Variants in DCTN4 observed in about 807,000 individuals in gnomAD.
DCTN4 encodes the protein dynactin subunit 4, also known as dynactin 4 (p62).
In DCTN4, 23 loss-of-function variants were observed where a neutral mutation model predicts 62.7. That is an observed-to-expected ratio of 0.37 (90% CI 0.26 to 0.52). DCTN4 has a LOEUF of 0.52. Ranked by LOEUF, DCTN4 falls within the 20% of genes least tolerant of loss-of-function variation. DCTN4 has a pLI of 0.92. For missense variants in DCTN4, 514 were observed against 580.4 expected (o/e 0.89, Z 1.18); for synonymous variants, 199 against 202.1 (o/e 0.98, Z 0.13).
chr5:150,758,532 T>G, intron 1 of DCTN4: 1 of 1,023,850 alleles, frequency 9.8e-7, no homozygotes, highest in Non-Finnish European at 1.2e-6. Context: ...TTTCGCCCCT[T>G]AAGTGGCCTG....
In DCTN4 at chr5:150,736,609, G is replaced by A. The variant is rs143733932; in HGVS notation, c.430-3134C>T. Among the ~76,000 whole-genome samples the A allele has an allele frequency of 8.2e-4, 125 of 152,154 alleles. 3 individuals carry two copies. The East Asian group carries it at 0.023, about 28-fold the overall frequency. ...AGCACTACAAGAGGTGCTCAAAGGA[G>A]TTCTAAATCCTGAAACAAAACCTTG... On this transcript the variant is annotated intron_variant, in intron 4 of 12. Coordinates refer to ENST00000447998, the MANE Select transcript of DCTN4 (RefSeq NM_016221.4).
intron 1 of DCTN4, among the ~76,000 whole-genome samples, chr5:150,757,743 A>C (rs2113166216): frequency 6.6e-6 from 1 of 152,280 alleles, no homozygotes; most frequent in East Asian, 1.9e-4. Context: ...CTATTATGAA[A>C]AGTATCTTCA....
Sources: gnomAD v4.1 joint callset for allele counts (sites outside exome capture counted in the v4.1 genomes callset) on GRCh38, gnomAD v4.1.1 for gene constraint, MANE v1.5 for transcripts, NCBI Gene and HGNC (gene_info 2026-07-23, HGNC 2026-07-21) for gene names.